Variants in ST7 observed in about 807,000 individuals in gnomAD.
The protein encoded by ST7 is suppressor of tumorigenicity 7 protein.
Under a neutral mutation model 78.7 loss-of-function variants are expected in ST7, and 28 were observed. The observed-to-expected ratio is 0.36, with a 90% CI of 0.26 to 0.49. ST7 has a LOEUF of 0.49. ST7 is among the 20% of genes least tolerant of loss of function. ST7 has a pLI of 0.99. For synonymous variants in ST7, 247 were observed against 249.6 expected (o/e 0.99, Z 0.10); for missense variants, 418 against 696.0 (o/e 0.60, Z 4.49).
rs538118267 is a variant in ST7, at chr7:117,221,046, C to A, written c.1499-877C>A. ...TGCAGTTTCACAGCCTCTCCCCCAG[C>A]ACCCCCAGCAGGTGGCTCTTTCTCC... On this transcript the variant is annotated intron_variant, in intron 14 of 15. Coordinates refer to ENST00000323984, the MANE Select transcript of ST7 (RefSeq NM_001369598.1). Among the ~76,000 whole-genome samples the A allele has an allele frequency of 2.0e-5, 3 of 152,248 alleles. No homozygotes were observed. The South Asian group carries it at 6.2e-4, about 32-fold the overall frequency.
At chr7:117,154,307 T>G (rs1048937719) in intron 9 of ST7, among the ~76,000 whole-genome samples, 4 of 152,172 alleles carry the variant, frequency 2.6e-5, no homozygotes, top group African/African-American at 9.7e-5. Flanking sequence ...AAGCCAAATC[T>G]GCCAGGACCT....
rs142044310 is a variant in ST7, at chr7:117,190,738, C to T, written c.1152-96C>T. ...GTTTGGAGAGCTCATGCTATTGGCTCACTGTGGTTTTATGGGCCCTAGATG... is the reference window on the plus strand; with the variant it reads ...GTTTGGAGAGCTCATGCTATTGGCTTACTGTGGTTTTATGGGCCCTAGATG... On this transcript the variant is annotated intron_variant, in intron 11 of 15. Coordinates refer to ENST00000323984, the MANE Select transcript of ST7 (RefSeq NM_001369598.1). The surrounding 1 kb of genome is among the most constrained non-coding windows in gnomAD (Gnocchi z 5.2). 16 of 925,050 alleles carry T rather than the reference C, an allele frequency of 1.7e-5. No homozygotes were observed. Among genetic ancestry groups the T allele is most frequent in the African/African-American group, 1.1e-4 (7 of 61,628 alleles). 57.3% of individuals were successfully genotyped at this position (925,050 alleles called of 1,614,324 possible). A position where few individuals can be genotyped will look rare whatever the true frequency, so the allele number is the denominator to read the frequency against.
At chr7:116,967,405 G>T (rs768638772) in intron 1 of ST7, 3 of 471,250 alleles carry the variant, frequency 6.4e-6, no homozygotes, top group East Asian at 1.4e-4. Context: ...TGCCTTACCA[G>T]TTCCTATTGT....
chr7:117,033,108 GC>G (rs1310392836), intron 1 of ST7, among the ~76,000 whole-genome samples: 1 of 152,074 alleles, frequency 6.6e-6, no homozygotes, highest in Non-Finnish European at 1.5e-5. Context: ...AAAATGGCAA[GC>G]CTTTAATGGC....
intron 2 of ST7, among the ~76,000 whole-genome samples, chr7:117,118,194 A>C (rs1276755162): frequency 2.0e-5 from 3 of 152,258 alleles, no homozygotes; most frequent in Non-Finnish European, 1.5e-5. Flanking sequence ...GGAAGTGCTC[A>C]TAGGAGCATT....
At chr7:117,046,623 C>T (rs1488168627) in intron 1 of ST7, among the ~76,000 whole-genome samples, 1 of 152,044 alleles carries the variant, frequency 6.6e-6, no homozygotes, top group Non-Finnish European at 1.5e-5. Flanking sequence ...TTTGTTTTAC[C>T]AATGCCTAGG....
intron 1 of ST7, among the ~76,000 whole-genome samples, chr7:116,996,030 C>T (rs1363135954): frequency 1.3e-5 from 2 of 151,290 alleles, no homozygotes; most frequent in Non-Finnish European, 2.9e-5. Context: ...CCATAACAAA[C>T]TGATGTGTCT....
intron 1 of ST7, among the ~76,000 whole-genome samples, chr7:117,038,295 A>T (rs1422669406): frequency 6.6e-6 from 1 of 152,182 alleles, no homozygotes; most frequent in African/African-American, 2.4e-5. Flanking sequence ...ATTGATTAAC[A>T]CCTAGTGATG....
intron 1 of ST7, among the ~76,000 whole-genome samples, chr7:117,086,395 C>T (rs570500721): frequency 6.6e-6 from 1 of 152,164 alleles, no homozygotes; most frequent in Non-Finnish European, 1.5e-5. Flanking sequence ...TGATCCACCT[C>T]AAGAAACATT....
intron 1 of ST7, among the ~76,000 whole-genome samples, chr7:117,013,476 T>C (rs931741339): frequency 1.3e-5 from 2 of 152,224 alleles, no homozygotes; most frequent in African/African-American, 4.8e-5. Context: ...CTGCTTATGG[T>C]AAGGAAGCAC....
intron 1 of ST7, among the ~76,000 whole-genome samples, chr7:116,955,371 G>A (rs1051697555): frequency 2.0e-5 from 3 of 152,172 alleles, no homozygotes; most frequent in African/African-American, 7.2e-5. Context: ...ACTGGCATGT[G>A]GGGAGGTCCT....
chr7:117,108,597 T>C (rs1296136188), intron 2 of ST7, among the ~76,000 whole-genome samples: 1 of 152,176 alleles, frequency 6.6e-6, no homozygotes, highest in Non-Finnish European at 1.5e-5. Flanking sequence ...CCATATGAAT[T>C]TTTTGGTTGT....
chr7:116,990,155 C>T (rs1269130146), intron 1 of ST7, among the ~76,000 whole-genome samples: 1 of 152,152 alleles, frequency 6.6e-6, no homozygotes, highest in African/African-American at 2.4e-5. Context: ...CCAGGATTAT[C>T]TCAATCTCTG....
intron 1 of ST7, among the ~76,000 whole-genome samples, chr7:117,001,682 GTTA>G (rs1322630730): frequency 1.3e-5 from 2 of 152,016 alleles, no homozygotes; most frequent in African/African-American, 2.4e-5. Flanking sequence ...ACAGTTTAGT[GTTA>G]TTATCTTTTT....
intron 2 of ST7, among the ~76,000 whole-genome samples, chr7:117,110,080 A>G (rs1477102885): frequency 6.6e-6 from 1 of 152,222 alleles, no homozygotes; most frequent in Non-Finnish European, 1.5e-5. Flanking sequence ...TACTAAATAT[A>G]TGCCCCAAAC....
chr7:117,202,436 C>T (rs1810961759), intron 12 of ST7, among the ~76,000 whole-genome samples: 1 of 152,126 alleles, frequency 6.6e-6, no homozygotes, highest in Admixed American at 6.5e-5. Context: ...GTTTTTGTTA[C>T]CTTCCCCTGC....
chr7:116,975,913 G>T (rs189249645), intron 1 of ST7, among the ~76,000 whole-genome samples: 3 of 152,140 alleles, frequency 2.0e-5, no homozygotes, highest in Non-Finnish European at 4.4e-5. Flanking sequence ...GGTATTGCCA[G>T]ATTCCTTTAC....
chr7:117,141,959 T>G (rs901286269), intron 9 of ST7, among the ~76,000 whole-genome samples: 10 of 152,146 alleles, frequency 6.6e-5, no homozygotes, highest in South Asian at 2.1e-4. Flanking sequence ...CCTTGCATGC[T>G]GGCTTTTGAA....
chr7:117,071,111 C>G (rs111984099), intron 1 of ST7, among the ~76,000 whole-genome samples: 1 of 151,750 alleles, frequency 6.6e-6, no homozygotes, highest in African/African-American at 2.4e-5. Flanking sequence ...CCCAGCTACT[C>G]GGGAGGCTGA....
Sources: allele counts gnomAD v4.1 joint callset (sites outside exome capture counted in the v4.1 genomes callset), GRCh38; gene constraint gnomAD v4.1.1; non-coding constraint Gnocchi (gnomAD v3.1); transcripts MANE v1.5; gene names NCBI Gene and HGNC (gene_info 2026-07-23, HGNC 2026-07-21).